The following AGRN variants were observed in gnomAD, a reference collection of about 807,000 sequenced individuals.
AGRN encodes agrin proteoglycan.
In AGRN, 106 loss-of-function variants were observed where a neutral mutation model predicts 211.0. The observed-to-expected ratio is 0.50, with a 90% CI of 0.43 to 0.59. The LOEUF is 0.59. Among genes scored for constraint, AGRN ranks in the 20% least tolerant of loss-of-function variants. The probability of loss-of-function intolerance (pLI) is 0.00; values close to 1 mark genes in which losing one functional copy is unlikely to be tolerated. For synonymous variants in AGRN, 1,525 were observed against 1,332.5 expected (o/e 1.14, Z -3.15); for missense variants, 3,040 against 2,982.6 (o/e 1.02, Z -0.45).
rs557866059 is a variant in AGRN at position 1,026,425 on chromosome 1, C to T, written c.463+3963C>T. ...GGGCTGCTCCAGGGAAGGGGGTGCC[C>T]GTGCCTCGGGGCCACAGGTCCGGCC... On this transcript the variant is annotated intron_variant, in intron 2 of 35. Transcript: ENST00000379370. Among the ~76,000 whole-genome samples, 35 of 152,270 alleles carry T rather than the reference C, an allele frequency of 2.3e-4. No individual in the cohort carries two copies. In the East Asian group the frequency reaches 5.0e-3, roughly 22 times the overall value.
chr1:1,041,145 C>T (rs1220581163), intron 4 of AGRN, 28 bp from the exon 5 acceptor site: 1 of 1,343,516 alleles, frequency 7.4e-7, no homozygotes, highest in South Asian at 1.7e-5. Flanking sequence ...GGGGGCGGCC[C>T]GTCTGACCGG....
In AGRN at chr1:1,040,647, C is replaced by T. The variant is rs1178241083; in HGVS notation, c.512-18C>T. 1 of 1,546,844 alleles carries T rather than the reference C, an allele frequency of 6.5e-7. No individual in the cohort carries two copies. The highest frequency in any genetic ancestry group is 1.2e-5 in the South Asian group (1 of 83,956). On this transcript the variant is annotated intron_variant, in intron 3 of 35. Transcript: ENST00000379370. ...CGGGCGTCTCGGCACCCTGAGCTTT[C>T]TCCCCTACCCGCCCCAGCGTGCCGG...
At position 1,048,965 on chromosome 1, in the gene AGRN, G is replaced by A. The variant is rs1485820911; in HGVS notation, c.4204G>A (p.Ala1402Thr). The change falls in exon 24 of 36, where the codon GCG becomes ACG. Residue 1402 changes from alanine (A) to threonine (T), a missense_variant. Around this residue, in one of 3 missense-constraint regions of AGRN, gnomAD observed 1,537 missense variants for 1,505.0 expected, o/e 1.02. Coordinates refer to ENST00000379370, the MANE Select transcript of AGRN (RefSeq NM_198576.4). This position sits in a 1 kb window ranked among gnomAD's most constrained non-coding sequence, Gnocchi z 5.9. ...GCTGCGCCTGGCACTGGAATTCCGG[G>A]CGCTGGAGCCTCAGGGGCTGCTGCT... ...HTLRLALEFR[A>T]LEPQGLLLYN... 1.9e-6 allele frequency: 3 copies of A among 1,573,372 alleles called. No individual in the cohort carries two copies. Among genetic ancestry groups the A allele is most frequent in the Non-Finnish European group, 2.6e-6 (3 of 1,161,048 alleles).
chr1:1,031,252 T>C lies in AGRN; in HGVS notation c.464-4025T>C, dbSNP rs1221097535. Reference sequence around the variant, plus strand: ...GAGTGTATCAGCATGTCTGTGTGTGTGCAGTGCATGGTGCTGAGTGTGAGA... The same window carrying C: ...GAGTGTATCAGCATGTCTGTGTGTGCGCAGTGCATGGTGCTGAGTGTGAGA... On this transcript the variant is annotated intron_variant, in intron 2 of 35. Transcript: ENST00000379370. This position sits in a 1 kb window ranked among gnomAD's most constrained non-coding sequence, Gnocchi z 4.8. Among the ~76,000 whole-genome samples the C allele has an allele frequency of 6.6e-6, 1 of 151,652 alleles. No individual in the cohort carries two copies. The highest frequency in any genetic ancestry group is 2.4e-5 in the African/African-American group (1 of 41,170).
chr1:1,021,492 C>G (rs1033476031), intron 1 of AGRN, among the ~76,000 whole-genome samples: 1 of 152,256 alleles, frequency 6.6e-6, no homozygotes, highest in Admixed American at 6.5e-5. Context: ...ATCCGGCAGC[C>G]CCAGCCCCCC....
In AGRN at chr1:1,043,663, G is replaced by A. The variant is rs370516291; in HGVS notation, c.1729G>A (p.Glu577Lys). The A allele has an allele frequency of 5.7e-5, 92 of 1,601,158 alleles. No individual in the cohort carries two copies. Among genetic ancestry groups the A allele is most frequent in the Non-Finnish European group, 7.0e-5 (83 of 1,179,750 alleles). ...CTCCGACGGGCACACGTACCCCAGCGAGTGCATGCTGCACGTGCACGCCTG... is the reference window on the plus strand; with the variant it reads ...CTCCGACGGGCACACGTACCCCAGCAAGTGCATGCTGCACGTGCACGCCTG... ...CGSDGHTYPS[E>K]CMLHVHACTH... is the part of the protein sequence containing the mutation. The change falls in exon 9 of 36, where the codon GAG (glutamate) becomes AAG (lysine). Residue 577 changes from glutamate (E) to lysine (K), a missense_variant. By Grantham distance (56) the Glu-to-Lys change is moderately conservative. This residue lies in a region of AGRN where 1,498 missense variants were observed against 1,457.8 expected (regional missense o/e 1.03). Transcript: ENST00000379370.
rs985689928 is a variant in AGRN at position 1,053,353 on chromosome 1, C to G, written c.5652-400C>G. 7 of 1,025,534 alleles carry G rather than the reference C, an allele frequency of 6.8e-6. No individual in the cohort carries two copies. In the African/African-American group the frequency reaches 1.0e-4, roughly 15 times the overall value. The allele number at this position is 1,025,534 out of a possible 1,614,324, so 63.5% of individuals were successfully genotyped here. A position where few individuals can be genotyped will look rare whatever the true frequency, so the allele number is the denominator to read the frequency against. On this transcript the variant is annotated intron_variant, in intron 33 of 35. Transcript: ENST00000379370. Reference sequence around the variant, plus strand: ...GCGGCCAGTGATCCTCGAGGTCACGCATGTCTTCTGTGGGTGCCTGCTCCT... The same window carrying G: ...GCGGCCAGTGATCCTCGAGGTCACGGATGTCTTCTGTGGGTGCCTGCTCCT...
At chr1:1,042,602 G>T (rs1314330507) in intron 7 of AGRN, among the ~76,000 whole-genome samples, 1 of 152,184 alleles carries the variant, frequency 6.6e-6, no homozygotes, top group Non-Finnish European at 1.5e-5. Context: ...GTCTTGGTCA[G>T]TTCGCCCATC....
Position 1,055,180 on chromosome 1 carries a change from G to T in AGRN, c.*199G>T. 1.2e-6 allele frequency: 1 copy of T among 834,546 alleles called. No individual in the cohort carries two copies. The highest frequency in any genetic ancestry group is 1.9e-6 in the Non-Finnish European group (1 of 530,494). The allele number at this position is 834,546 out of a possible 1,614,324, so 51.7% of individuals were successfully genotyped here. ...GGTGGCAGCGTGGAGGGCTCGGCGT[G>T]GATGGCAGCCTCAGGACACACACCC... On this transcript the variant is annotated 3_prime_UTR_variant, in exon 36 of 36. Coordinates refer to ENST00000379370, the MANE Select transcript of AGRN (RefSeq NM_198576.4).
At position 1,048,065 on chromosome 1, in the gene AGRN, G is replaced by C; in HGVS notation, c.3805G>C (p.Ala1269Pro). 6.3e-7 allele frequency: 1 copy of C among 1,584,212 alleles called. No homozygotes were observed. Among genetic ancestry groups the C allele is most frequent in the Non-Finnish European group, 8.5e-7 (1 of 1,172,004 alleles). Residue 1269 changes from alanine to proline, a missense_variant, in exon 23 of 36, where the codon GCC (alanine) becomes CCC (proline). Physicochemically the swap from Ala to Pro is conservative, Grantham distance 27. Coordinates refer to ENST00000379370, the MANE Select transcript of AGRN (RefSeq NM_198576.4). This position sits in a 1 kb window ranked among gnomAD's most constrained non-coding sequence, Gnocchi z 5.9. ...CACGTCAGGAGCCATTGCTGCGGGA[G>C]CCACGGCCAGAGCCACCACTGCATC... is the stretch of plus-strand genomic sequence containing the variant. Reference protein sequence around the residue: ...GATSGAIAAGATARATTASRL... With the variant: ...GATSGAIAAGPTARATTASRL...
chr1:1,035,786 G>A (rs1644790189), intron 3 of AGRN, among the ~76,000 whole-genome samples: 1 of 152,064 alleles, frequency 6.6e-6, no homozygotes, highest in Non-Finnish European at 1.5e-5. Context: ...CAGCTGTCTG[G>A]GGAGGGGCCT....
intron 2 of AGRN, among the ~76,000 whole-genome samples, chr1:1,029,901 G>GCA (rs1246544794): frequency 1.2e-5 from 1 of 81,820 alleles, no homozygotes; most frequent in African/African-American, 4.1e-5. Context: ...AGATCAGTGT[G>GCA]TGTGTGTGTG....
intron 2 of AGRN, chr1:1,034,301 C>G (rs1644747872): frequency 1.0e-6 from 1 of 985,260 alleles, no homozygotes; most frequent in African/African-American, 1.7e-5. Context: ...CCAGTCCCTC[C>G]TCCGCCTACC....
chr1:1,040,492 G>A (rs1247332065), intron 3 of AGRN, among the ~76,000 whole-genome samples, 173 bp from the exon 4 acceptor site: 2 of 152,208 alleles, frequency 1.3e-5, no homozygotes, highest in Non-Finnish European at 2.9e-5. Flanking sequence ...GGTCTGCGAG[G>A]GGCAGGGCCG....
chr1:1,050,517 C>T lies in AGRN; in HGVS notation c.5067C>T (p.Asp1689=). 1 of 1,612,882 alleles carries T rather than the reference C, an allele frequency of 6.2e-7. No individual in the cohort carries two copies. The highest frequency in any genetic ancestry group is 8.5e-7 in the Non-Finnish European group (1 of 1,179,892). Residue 1689 remains aspartate, a synonymous_variant, in exon 29 of 36, where the codon GAC becomes GAT. Transcript: ENST00000379370. ...GGCAGAAGACGGACGGCAAGGGGGACTTCGTGTCGCTGGCACTGCGGGACC... is the reference window on the plus strand; with the variant it reads ...GGCAGAAGACGGACGGCAAGGGGGATTTCGTGTCGCTGGCACTGCGGGACC... ...YNGQKTDGKG[D]FVSLALRDRR...
chr1:1,037,958 A>T (rs1055827973), intron 3 of AGRN, among the ~76,000 whole-genome samples: 10 of 151,470 alleles, frequency 6.6e-5, no homozygotes, highest in African/African-American at 2.4e-4. Context: ...GCCTGTGGAG[A>T]CTCAGCACAG....
intron 1 of AGRN, among the ~76,000 whole-genome samples, chr1:1,021,990 G>A (rs1376032958): frequency 6.6e-6 from 1 of 152,270 alleles, no homozygotes; most frequent in Non-Finnish European, 1.5e-5. Flanking sequence ...TGTGTTCACA[G>A]GTGACGCATC....
Position 1,041,583 on chromosome 1 carries a change from A to G in AGRN, c.1058A>G (p.Gln353Arg), listed in dbSNP as rs150359724. 4,875 of 1,606,080 alleles carry G rather than the reference A, an allele frequency of 3.0e-3. 102 individuals are homozygous for G. The African/African-American group carries it at 0.054, about 18-fold the overall frequency. Residue 353 changes from glutamine (Q) to arginine (R), a missense_variant, in exon 6 of 36, where the codon CAG becomes CGG. Physicochemically the swap from Gln to Arg is conservative, Grantham distance 43. Transcript: ENST00000379370. The part of the protein sequence containing the change: ...LLRPESCPAR[Q>R]APVCGDDGVT... ...CGGCCCGAGAGCTGCCCTGCCCGGCAGGCGCCAGTGTGTGGGGACGACGGA... is the reference window on the plus strand; with the variant it reads ...CGGCCCGAGAGCTGCCCTGCCCGGCGGGCGCCAGTGTGTGGGGACGACGGA...
intron 30 of AGRN, 41 bp downstream of exon 30, chr1:1,050,878 G>A: frequency 1.3e-6 from 2 of 1,526,428 alleles, no homozygotes; most frequent in Non-Finnish European, 1.8e-6. Context: ...GCTGCTGCCT[G>A]CTCTTCCTCC....
Sources: allele counts gnomAD v4.1 joint callset (sites outside exome capture counted in the v4.1 genomes callset), GRCh38; gene constraint gnomAD v4.1.1; regional missense constraint gnomAD v4.1.1; non-coding constraint Gnocchi (gnomAD v3.1); transcripts MANE v1.5; gene names NCBI Gene and HGNC (gene_info 2026-07-23, HGNC 2026-07-21).